Variants in ZNF273 observed in about 807,000 individuals in gnomAD.
ZNF273 encodes the protein zinc finger protein 273, also known as zinc finger protein 9.
ZNF273 carries 11 observed loss-of-function variants against 14.9 expected under a neutral mutation model. The observed-to-expected ratio is 0.74, with a 90% CI of 0.46 to 1.22. ZNF273 has a LOEUF of 1.22. ZNF273 is among the 50% of genes most tolerant of loss of function. The probability of loss-of-function intolerance (pLI) is 0.00; values close to 1 mark genes in which losing one functional copy is unlikely to be tolerated. For missense variants in ZNF273, 577 were observed against 660.6 expected (o/e 0.87, Z 1.39); for synonymous variants, 199 against 223.9 (o/e 0.89, Z 0.99).
chr7:64,893,317 A>G (rs1306003510), downstream of ZNF273: 1 of 152,060 alleles, frequency 6.6e-6, no homozygotes, highest in Non-Finnish European at 1.5e-5. Flanking sequence ...ATTGCATACC[A>G]TTTTTTCACT....
At chr7:64,916,022 C>T (rs1793952867) in intron 1 of ZNF273, among the ~76,000 whole-genome samples, 1 of 151,902 alleles carries the variant, frequency 6.6e-6, no homozygotes, top group Non-Finnish European at 1.5e-5. Flanking sequence ...ATGGTGAAAC[C>T]TCGTCTATAC....
upstream of ZNF273, among the ~76,000 whole-genome samples, chr7:64,901,875 G>A (rs904441782): frequency 6.6e-5 from 10 of 152,028 alleles, no homozygotes; most frequent in Non-Finnish European, 1.2e-4. Flanking sequence ...GCTTGAACCC[G>A]GAGGTGGAGG....
intron 4 of ZNF273, chr7:64,898,149 A>C (rs1792474784): frequency 6.6e-6 from 1 of 152,276 alleles, no homozygotes; most frequent in African/African-American, 2.4e-5. Flanking sequence ...TGTCAATAGA[A>C]TAACATTATT....
At position 64,927,685 on chromosome 7, in the gene ZNF273, G is replaced by T; in HGVS notation, c.357G>T (p.Trp119Cys). The T allele has an allele frequency of 1.9e-6, 3 of 1,588,418 alleles. No homozygotes were observed. The highest frequency in any genetic ancestry group is 2.6e-6 in the Non-Finnish European group (3 of 1,171,004). The change falls in exon 4 of 4, where the codon TGG (tryptophan) becomes TGT (cysteine). Residue 119 changes from tryptophan to cysteine, a missense_variant. Physicochemically the swap from Trp to Cys is radical, Grantham distance 215 (BLOSUM62 -2). Around this residue, in one of 3 missense-constraint regions of ZNF273, gnomAD observed 162 missense variants for 203.5 expected, o/e 0.80. Coordinates refer to ENST00000476120, the MANE Select transcript of ZNF273 (RefSeq NM_021148.3). ...GTTCTCATTTTGCCCAAGACCTTTG[G>T]CCAAAGCAGGGCTTAAAAGATTCTT... ...VVCSHFAQDLWPKQGLKDSFQ... is the reference protein window; with the variant it reads ...VVCSHFAQDLCPKQGLKDSFQ...
intron 1 of ZNF273, chr7:64,888,388 G>A (rs1791740326): frequency 6.1e-6 from 6 of 985,454 alleles, no homozygotes; most frequent in Non-Finnish European, 7.2e-6. Context: ...GAGGGAGAGA[G>A]AGCGAGCTGT....
chr7:64,918,994 ATG>A (rs1428839672), intron 3 of ZNF273, among the ~76,000 whole-genome samples: 2 of 152,066 alleles, frequency 1.3e-5, no homozygotes, highest in Admixed American at 6.5e-5. Flanking sequence ...CATCTGAAAT[ATG>A]TGAGAGTAGT....
chr7:64,889,215 G>C (rs1158133768), downstream of ZNF273: 1 of 985,720 alleles, frequency 1.0e-6, no homozygotes, highest in Non-Finnish European at 1.2e-6. The surrounding 1 kb of genome is among the most constrained non-coding windows in gnomAD (Gnocchi z 4.2). Flanking sequence ...CCGGCTTGTG[G>C]AGAGGGGCTG....
At chr7:64,903,166 G>A (rs754270950), upstream of ZNF273, 578 of 591,910 alleles carry the variant, frequency 9.8e-4, 1 homozygote, top group Non-Finnish European at 1.6e-3. Flanking sequence ...GGCCTGAGGG[G>A]GCGGGTCCTT....
intron 1 of ZNF273, among the ~76,000 whole-genome samples, chr7:64,909,835 G>GT (rs553163147): frequency 0.049 from 7,361 of 150,276 alleles, 548 homozygotes; most frequent in African/African-American, 0.16. Flanking sequence ...TGCAAGCATC[G>GT]TTTTTTTTTG....
At chr7:64,902,394 G>A (rs547224617), upstream of ZNF273, among the ~76,000 whole-genome samples, 86 of 152,246 alleles carry the variant, frequency 5.6e-4, no homozygotes, top group Middle Eastern at 3.4e-3. Context: ...CCATATAATT[G>A]TGAACCTCAA....
intron 1 of ZNF273, chr7:64,878,380 G>A (rs1791169668): frequency 6.6e-6 from 1 of 152,306 alleles, no homozygotes; most frequent in Non-Finnish European, 1.5e-5. Flanking sequence ...CCTGTCCGCA[G>A]GGCCTATTGA....
chr7:64,888,769 G>A, exon 2 of ZNF273: 1 of 985,872 alleles, frequency 1.0e-6, no homozygotes, highest in Non-Finnish European at 1.2e-6. Flanking sequence ...TAGAAACGCT[G>A]CCACTGCCGA....
chr7:64,910,802 A>T (rs10277498), intron 1 of ZNF273, among the ~76,000 whole-genome samples: 131 of 105,590 alleles, frequency 1.2e-3, no homozygotes, highest in South Asian at 2.5e-3. Context: ...TTTTGTTTTT[A>T]TTGCCCAGGC....
Position 64,928,084 on chromosome 7 carries a change from T to C in ZNF273, c.756T>C (p.His252=). The C allele has an allele frequency of 6.2e-7, 1 of 1,613,608 alleles. No individual in the cohort carries two copies. Among genetic ancestry groups the C allele is most frequent in the South Asian group, 1.1e-5 (1 of 91,040 alleles). ...AFNQFSNLTK[H]KIIHPEVNPY... Reference sequence around the variant, plus strand: ...ACCAGTTCTCAAATCTTACTAAACATAAGATAATTCATCCTGAAGTGAATC... The same window carrying C: ...ACCAGTTCTCAAATCTTACTAAACACAAGATAATTCATCCTGAAGTGAATC... The change falls in exon 4 of 4, where the codon CAT becomes CAC. Residue 252 remains histidine, a synonymous_variant. Transcript: ENST00000476120.
At chr7:64,902,631 G>A (rs2129054757), upstream of ZNF273, among the ~76,000 whole-genome samples, 1 of 152,356 alleles carries the variant, frequency 6.6e-6, no homozygotes, top group Non-Finnish European at 1.5e-5. Flanking sequence ...GAACCCCGGA[G>A]GGAGGTGGAA....
intron 1 of ZNF273, among the ~76,000 whole-genome samples, chr7:64,909,061 C>T (rs529933961): frequency 8.5e-5 from 13 of 152,120 alleles, no homozygotes; most frequent in South Asian, 4.1e-4. Flanking sequence ...AGGCATATGC[C>T]ACCACACCTA....
chr7:64,889,445 G>A (rs1791826207), downstream of ZNF273: 1 of 985,832 alleles, frequency 1.0e-6, no homozygotes, highest in Non-Finnish European at 1.2e-6. This position sits in a 1 kb window ranked among gnomAD's most constrained non-coding sequence, Gnocchi z 4.2. Context: ...GGCTCGGGTG[G>A]CCTCACCTTT....
At chr7:64,935,240 A>C (rs558073501), downstream of ZNF273, among the ~76,000 whole-genome samples, 44 of 152,262 alleles carry the variant, frequency 2.9e-4, no homozygotes, top group African/African-American at 1.0e-3. Flanking sequence ...CTTTTTTTCC[A>C]AGCTGGATGC....
At chr7:64,892,946 T>A (rs554373634), downstream of ZNF273, among the ~76,000 whole-genome samples, 78 of 152,290 alleles carry the variant, frequency 5.1e-4, no homozygotes, top group African/African-American at 1.7e-3. Context: ...TTACTCTACA[T>A]GTAGTAACAA....
Sources: allele counts gnomAD v4.1 joint callset (sites outside exome capture counted in the v4.1 genomes callset), GRCh38; gene constraint gnomAD v4.1.1; regional missense constraint gnomAD v4.1.1; non-coding constraint Gnocchi (gnomAD v3.1); transcripts MANE v1.5; gene names NCBI Gene and HGNC (gene_info 2026-07-23, HGNC 2026-07-21).